Variants in AIRIM observed in about 807,000 individuals in gnomAD.
AIRIM encodes the protein AFG2-interacting ribosome maturation factor.
At chr1:37,685,135 C>T in the AIRIM span, among the ~76,000 whole-genome samples, 7 of 138,372 alleles carry the variant, frequency 5.1e-5, no homozygotes, top group Admixed American at 6.0e-4. Context: ...AGGTCTTATC[C>T]TGTTACTCCT....
At chr1:37,685,578 G>A in the AIRIM span, among the ~76,000 whole-genome samples, 1 of 151,690 alleles carries the variant, frequency 6.6e-6, no homozygotes, top group Admixed American at 6.6e-5. Flanking sequence ...TGTAGAGACG[G>A]CGTTTCACCA....
chr1:37,682,225 A>G, the AIRIM span: 19 of 152,228 alleles, frequency 1.2e-4, no homozygotes, highest in African/African-American at 1.7e-4. Flanking sequence ...AAAAATATCT[A>G]TACCCTTTAC....
At chr1:37,686,899 C>CTAAATA in the AIRIM span, among the ~76,000 whole-genome samples, 2 of 151,988 alleles carry the variant, frequency 1.3e-5, no homozygotes, top group African/African-American at 4.8e-5. Flanking sequence ...CCCGTCTCTA[C>CTAAATA]TAAATATACA....
chr1:37,691,182 C>A, the AIRIM span: 9 of 152,304 alleles, frequency 5.9e-5, no homozygotes, highest in African/African-American at 1.9e-4. Context: ...GAGCAACAGA[C>A]CAGGGTGGAA....
At chr1:37,689,117 C>T in the AIRIM span, among the ~76,000 whole-genome samples, 3 of 152,178 alleles carry the variant, frequency 2.0e-5, no homozygotes, top group East Asian at 1.9e-4. Flanking sequence ...GTGTCAGGCA[C>T]ACTTGAGTTA....
the AIRIM span, chr1:37,683,457 T>C: frequency 1.2e-6 from 2 of 1,608,640 alleles, no homozygotes; most frequent in South Asian, 2.2e-5. Context: ...AGTTAAGGAC[T>C]GCTCAAAAGA....
the AIRIM span, among the ~76,000 whole-genome samples, chr1:37,688,754 A>G: frequency 3.9e-5 from 6 of 152,218 alleles, no homozygotes; most frequent in East Asian, 1.9e-4. Flanking sequence ...TCTGTCCTCA[A>G]TAACCTGTAA....
At chr1:37,685,386 T>TC in the AIRIM span, among the ~76,000 whole-genome samples, 1 of 150,736 alleles carries the variant, frequency 6.6e-6, no homozygotes, top group East Asian at 2.0e-4. Flanking sequence ...AAAATTCTTT[T>TC]TTTTTTTTTT....
the AIRIM span, chr1:37,689,768 A>T: frequency 1.2e-6 from 2 of 1,613,460 alleles, no homozygotes. Context: ...GGAGGACAGG[A>T]GGGGCTGGCA....
the AIRIM span, chr1:37,683,133 AG>A: frequency 6.2e-7 from 1 of 1,612,844 alleles, no homozygotes; most frequent in African/African-American, 1.3e-5. Context: ...TTACTCTTCC[AG>A]GAAGAAGGAA....
At chr1:37,691,114 C>T in the AIRIM span, 1 of 152,482 alleles carries the variant, frequency 6.6e-6, no homozygotes, top group Admixed American at 6.5e-5. Context: ...CCCCCACTAC[C>T]CACTGCCCAG....
the AIRIM span, chr1:37,683,413 A>T: frequency 3.7e-6 from 6 of 1,614,028 alleles, no homozygotes; most frequent in Non-Finnish European, 5.1e-6. Flanking sequence ...GGATAGACGA[A>T]AGAAGATACT....
chr1:37,686,487 G>C, the AIRIM span: 1 of 1,595,988 alleles, frequency 6.3e-7, no homozygotes, highest in Non-Finnish European at 8.5e-7. Flanking sequence ...GCAATATCAT[G>C]AGACATGTAT....
chr1:37,692,172 A>G, the AIRIM span: 16,389 of 161,306 alleles, frequency 0.1, 941 homozygotes, highest in Middle Eastern at 0.17. Context: ...ACCCTGGAGC[A>G]GAATCCTACA....
At chr1:37,683,161 C>A in the AIRIM span, 907 of 1,612,056 alleles carry the variant, frequency 5.6e-4, no homozygotes, top group Non-Finnish European at 7.4e-4. Flanking sequence ...AATAGGATAT[C>A]TGAAATAGGA....
the AIRIM span, chr1:37,686,284 A>G: frequency 6.2e-7 from 1 of 1,613,158 alleles, no homozygotes. Flanking sequence ...ACTTTCGATA[A>G]TGTCTCTCAA....
At chr1:37,688,007 C>T in the AIRIM span, among the ~76,000 whole-genome samples, 3 of 151,490 alleles carry the variant, frequency 2.0e-5, no homozygotes, top group African/African-American at 4.9e-5. Flanking sequence ...ACAGGCTGAG[C>T]TGCCATACCC....
At chr1:37,692,184 C>T in the AIRIM span, 1 of 165,528 alleles carries the variant, frequency 6.0e-6, no homozygotes, top group Admixed American at 5.7e-5. Context: ...AATCCTACAG[C>T]CGACCTGACC....
At chr1:37,689,193 A>G in the AIRIM span, among the ~76,000 whole-genome samples, 1 of 152,178 alleles carries the variant, frequency 6.6e-6, no homozygotes, top group Non-Finnish European at 1.5e-5. Flanking sequence ...TCAGTTTCCT[A>G]CCTGCATAGA....
Sources: gnomAD v4.1 joint callset for allele counts (sites outside exome capture counted in the v4.1 genomes callset) on GRCh38, gnomAD v4.1.1 for gene constraint, MANE v1.5 for transcripts, NCBI Gene and HGNC (gene_info 2026-07-23, HGNC 2026-07-21) for gene names.